Variants in CSRNP3 observed in about 807,000 individuals in gnomAD.
The protein encoded by CSRNP3 is cysteine and serine rich nuclear protein 3, also known as cysteine/serine-rich nuclear protein 3.
A neutral mutation model predicts 48.0 loss-of-function variants in CSRNP3; 12 were observed. The ratio of observed to expected loss-of-function variants is 0.25; its 90% CI spans 0.16 to 0.41. The LOEUF (loss-of-function observed/expected upper bound fraction) is 0.41. CSRNP3 is among the 10% of genes least tolerant of loss of function. CSRNP3 has a pLI of 1.00. For missense variants in CSRNP3, 580 were observed against 724.4 expected (o/e 0.80, Z 2.29); for synonymous variants, 263 against 269.7 (o/e 0.98, Z 0.24).
chr2:165,676,587 C>G lies in CSRNP3; in HGVS notation c.684C>G (p.Ser228Arg), dbSNP rs918352749. 5.0e-6 allele frequency: 8 copies of G among 1,612,728 alleles called. No homozygotes were observed. The highest frequency in any genetic ancestry group is 1.6e-4 in the Middle Eastern group (1 of 6,074). The change falls in exon 6 of 7, where the codon AGC (serine) becomes AGG (arginine). Residue 228 changes from serine (S) to arginine (R), a missense_variant. Coordinates refer to ENST00000651982, the MANE Select transcript of CSRNP3 (RefSeq NM_001172173.2). ...VFCDPDTCTC[S>R]LAGIKCQVDR... ...GTGATCCAGACACGTGCACCTGCAG[C>G]CTGGCTGGCATTAAGTGCCAGGTAA...
chr2:165,486,163 C>T (rs555157706), intron 1 of CSRNP3, among the ~76,000 whole-genome samples: 6 of 152,164 alleles, frequency 3.9e-5, no homozygotes, highest in Non-Finnish European at 8.8e-5. Context: ...GTTCCCTTTC[C>T]GAGTCAAATA....
At chr2:165,602,977 C>T (rs1456849745) in intron 4 of CSRNP3, among the ~76,000 whole-genome samples, 1 of 152,072 alleles carries the variant, frequency 6.6e-6, no homozygotes, top group East Asian at 1.9e-4. Context: ...TCACTGCAGG[C>T]TCTGCCCCAC....
intron 5 of CSRNP3, among the ~76,000 whole-genome samples, chr2:165,665,284 A>G (rs1687160016): frequency 6.6e-6 from 1 of 152,188 alleles, no homozygotes; most frequent in African/African-American, 2.4e-5. Context: ...TTGGTACAAA[A>G]GAGGCTGAGC....
chr2:165,567,713 A>G (rs534163355), intron 3 of CSRNP3, among the ~76,000 whole-genome samples: 1 of 152,044 alleles, frequency 6.6e-6, no homozygotes, highest in African/African-American at 2.4e-5. Flanking sequence ...TTATCTTTGC[A>G]TAACTAAAAC....
chr2:165,665,327 G>A (rs755265797), intron 5 of CSRNP3, among the ~76,000 whole-genome samples: 2 of 152,132 alleles, frequency 1.3e-5, no homozygotes, highest in African/African-American at 2.4e-5. Flanking sequence ...TTACTGCTCA[G>A]CTAACTAAAA....
At chr2:165,532,395 C>G (rs1574824936) in intron 3 of CSRNP3, among the ~76,000 whole-genome samples, 1 of 152,064 alleles carries the variant, frequency 6.6e-6, no homozygotes, top group African/African-American at 2.4e-5. Flanking sequence ...GGATGCAAGG[C>G]TGGTTCAACA....
intron 4 of CSRNP3, among the ~76,000 whole-genome samples, chr2:165,654,450 T>C (rs1294389651): frequency 6.6e-6 from 1 of 152,134 alleles, no homozygotes; most frequent in Non-Finnish European, 1.5e-5. Flanking sequence ...GGCAATATCT[T>C]CTGGAGAAGC....
chr2:165,514,045 A>T (rs1039666761), intron 2 of CSRNP3, among the ~76,000 whole-genome samples: 1 of 152,232 alleles, frequency 6.6e-6, no homozygotes, highest in African/African-American at 2.4e-5. Flanking sequence ...CATTAAAGTT[A>T]TATTCAGACA....
intron 1 of CSRNP3, among the ~76,000 whole-genome samples, chr2:165,475,570 A>T (rs998760197): frequency 1.3e-5 from 2 of 152,178 alleles, no homozygotes; most frequent in Non-Finnish European, 2.9e-5. Flanking sequence ...AGTTTCCTTC[A>T]TCTCTGCATC....
At chr2:165,656,591 A>G (rs1413084702) in intron 4 of CSRNP3, among the ~76,000 whole-genome samples, 2 of 152,182 alleles carry the variant, frequency 1.3e-5, no homozygotes, top group Non-Finnish European at 2.9e-5. Context: ...TATCTCAGGC[A>G]ATTTCATTTG....
At chr2:165,567,961 G>A (rs182275243) in intron 3 of CSRNP3, among the ~76,000 whole-genome samples, 28 of 152,166 alleles carry the variant, frequency 1.8e-4, no homozygotes, top group African/African-American at 5.8e-4. Context: ...CTGAATCTAT[G>A]TAACAAAACT....
At chr2:165,604,905 C>A (rs1249607839) in intron 4 of CSRNP3, among the ~76,000 whole-genome samples, 1 of 152,194 alleles carries the variant, frequency 6.6e-6, no homozygotes, top group Non-Finnish European at 1.5e-5. Flanking sequence ...CTCTTTATTT[C>A]AGCCTACTGA....
At chr2:165,490,281 G>A (rs1379482087) in intron 1 of CSRNP3, among the ~76,000 whole-genome samples, 1 of 150,384 alleles carries the variant, frequency 6.6e-6, no homozygotes, top group Non-Finnish European at 1.5e-5. Context: ...ACAAACCACT[G>A]CTCAATGAAA....
chr2:165,608,615 G>A (rs1466133088), intron 4 of CSRNP3, among the ~76,000 whole-genome samples: 1 of 152,076 alleles, frequency 6.6e-6, no homozygotes, highest in African/African-American at 2.4e-5. Context: ...CTTGTTAACA[G>A]AATATGCAGG....
At chr2:165,623,589 C>T (rs947266576) in intron 4 of CSRNP3, among the ~76,000 whole-genome samples, 1 of 152,148 alleles carries the variant, frequency 6.6e-6, no homozygotes, top group African/African-American at 2.4e-5. Flanking sequence ...GGAACTTGAG[C>T]ATTCATGGAT....
intron 2 of CSRNP3, among the ~76,000 whole-genome samples, chr2:165,513,244 T>A (rs556030551): frequency 1.6e-4 from 25 of 152,324 alleles, no homozygotes; most frequent in South Asian, 4.1e-4. Flanking sequence ...GCATATTAAT[T>A]ATGCAATGCT....
intron 3 of CSRNP3, among the ~76,000 whole-genome samples, chr2:165,530,354 T>C (rs1684795117): frequency 6.6e-6 from 1 of 152,166 alleles, no homozygotes; most frequent in Non-Finnish European, 1.5e-5. Flanking sequence ...GTGATTATCA[T>C]ATAGCAAATG....
chr2:165,614,579 T>C (rs550999330), intron 4 of CSRNP3, among the ~76,000 whole-genome samples: 1 of 152,304 alleles, frequency 6.6e-6, no homozygotes, highest in South Asian at 2.1e-4. Flanking sequence ...TATATGGCCT[T>C]TATTGTGTTG....
intron 4 of CSRNP3, among the ~76,000 whole-genome samples, chr2:165,620,731 TTACATGTGG>T (rs1271806228): frequency 1.3e-4 from 20 of 152,160 alleles, no homozygotes; most frequent in African/African-American, 4.8e-4. Flanking sequence ...GGCTGGTACC[TTACATGTGG>T]TATTTGTAAG....
Sources: allele counts gnomAD v4.1 joint callset (sites outside exome capture counted in the v4.1 genomes callset), GRCh38; gene constraint gnomAD v4.1.1; transcripts MANE v1.5; gene names NCBI Gene and HGNC (gene_info 2026-07-23, HGNC 2026-07-21).